The following TDRP variants were observed in gnomAD, a reference collection of about 807,000 sequenced individuals.
TDRP encodes testis development related protein.
TDRP carries 12 observed loss-of-function variants against 10.5 expected under a neutral mutation model. The ratio of observed to expected loss-of-function variants is 1.15; its 90% CI spans 0.73 to 1.86. TDRP has a LOEUF of 1.86. Ranked by LOEUF, TDRP falls within the 40% of genes most tolerant of loss-of-function variation. The pLI, the probability that TDRP is intolerant of heterozygous loss-of-function variation, is 0.00. For missense variants in TDRP, 353 were observed against 229.2 expected, an observed-to-expected ratio of 1.54 and a Z score of -3.49; for synonymous variants, 139 against 95.4, an observed-to-expected ratio of 1.46 and a Z score of -2.67.
At chr8:537,597 G>T (rs1366975429) in intron 1 of TDRP, among the ~76,000 whole-genome samples, 1 of 152,112 alleles carries the variant, frequency 6.6e-6, no homozygotes, top group Non-Finnish European at 1.5e-5. Context: ...CTGGCCATGG[G>T]GACTACGAGG....
chr8:492,573 A>C lies in TDRP; in HGVS notation c.384T>G (p.Gly128=). ...DISADPEDTV[G]GHPSWSGWED... ...CCCAGCCTGACCAGGATGGGTGGCC[A>C]CCCACGGTGTCCTCAGGGTCAGCCG... Residue 128 remains glycine (G), a synonymous_variant, in exon 3 of 3, where the codon GGT becomes GGG. Transcript: ENST00000324079. 6.2e-7 allele frequency: 1 copy of C among 1,613,518 alleles called. No homozygotes were observed. Among genetic ancestry groups the C allele is most frequent in the Non-Finnish European group, 8.5e-7 (1 of 1,179,594 alleles).
At position 537,146 on chromosome 8, in the gene TDRP, T is replaced by A. The variant is rs532908771; in HGVS notation, c.108+7504A>T. Among the ~76,000 whole-genome samples, 3 of 152,346 alleles carry A rather than the reference T, an allele frequency of 2.0e-5. No individual in the cohort carries two copies. In the South Asian group the frequency reaches 6.2e-4, roughly 32 times the overall value. ...GGAAACCCCACACCAGGTACACTCC[T>A]CTCAGGGGCACTGCTGAGCCCCACG... On this transcript the variant is annotated intron_variant, in intron 1 of 2. Transcript: ENST00000324079.
chr8:529,867 G>C (rs1452412270), intron 1 of TDRP, among the ~76,000 whole-genome samples: 2 of 151,956 alleles, frequency 1.3e-5, no homozygotes, highest in African/African-American at 4.8e-5. Flanking sequence ...CCCTTTCTTT[G>C]GTTTCTTCCT....
At chr8:515,796 G>A (rs1215549256) in intron 1 of TDRP, among the ~76,000 whole-genome samples, 1 of 152,040 alleles carries the variant, frequency 6.6e-6, no homozygotes, top group Admixed American at 6.5e-5. Flanking sequence ...ATAAGTATGT[G>A]CTAAATATAT....
chr8:510,608 A>T (rs974869868), intron 1 of TDRP, among the ~76,000 whole-genome samples: 1 of 152,246 alleles, frequency 6.6e-6, no homozygotes, highest in African/African-American at 2.4e-5. Context: ...AGAAAAAAAA[A>T]TTCTCAACCA....
At chr8:496,958 G>A (rs889786700) in intron 1 of TDRP, among the ~76,000 whole-genome samples, 1 of 152,230 alleles carries the variant, frequency 6.6e-6, no homozygotes, top group African/African-American at 2.4e-5. Context: ...TGCCATGACT[G>A]TAAGTTTCCT....
intron 1 of TDRP, among the ~76,000 whole-genome samples, chr8:510,198 C>A (rs1390008292): frequency 6.6e-6 from 1 of 152,162 alleles, no homozygotes; most frequent in Admixed American, 6.5e-5. Flanking sequence ...AAATAATTGG[C>A]CACATGACTG....
chr8:502,397 G>C (rs1216900716), intron 1 of TDRP, among the ~76,000 whole-genome samples: 1 of 152,224 alleles, frequency 6.6e-6, no homozygotes, highest in Non-Finnish European at 1.5e-5. Context: ...CCAAATTGCA[G>C]GGTGCCAGGC....
At chr8:494,654 C>G in intron 1 of TDRP, 57 bp from the exon 2 acceptor site, 4 of 1,464,172 alleles carry the variant, frequency 2.7e-6, no homozygotes, top group Non-Finnish European at 3.8e-6. Flanking sequence ...CAGAATTCCG[C>G]TTTCTACTCC....
At chr8:536,869 G>A (rs528778708) in intron 1 of TDRP, among the ~76,000 whole-genome samples, 3 of 152,078 alleles carry the variant, frequency 2.0e-5, no homozygotes, top group Non-Finnish European at 4.4e-5. Flanking sequence ...CTATAATATC[G>A]TAACTGACCC....
chr8:535,763 C>G (rs28503665), intron 1 of TDRP, among the ~76,000 whole-genome samples: 8,327 of 48,154 alleles, frequency 0.17, 115 homozygotes, highest in Middle Eastern at 0.26. Flanking sequence ...AGGCAGGTCT[C>G]AGCGTAGGGG....
chr8:535,267 C>T (rs753756001), intron 1 of TDRP, among the ~76,000 whole-genome samples: 1 of 152,112 alleles, frequency 6.6e-6, no homozygotes, highest in Non-Finnish European at 1.5e-5. Context: ...AGCAGCTGCA[C>T]CACCCTAGCT....
At chr8:502,241 C>T (rs988260117) in intron 1 of TDRP, among the ~76,000 whole-genome samples, 4 of 152,244 alleles carry the variant, frequency 2.6e-5, no homozygotes, top group African/African-American at 9.6e-5. Flanking sequence ...TATCTTTAAA[C>T]ACACTGAAGC....
intron 1 of TDRP, among the ~76,000 whole-genome samples, chr8:508,718 A>G (rs1801533059): frequency 6.6e-6 from 1 of 152,006 alleles, no homozygotes; most frequent in Admixed American, 6.5e-5. Context: ...CCCCTCCCAA[A>G]TCTCATTTTT....
At chr8:531,574 T>C (rs1802198493) in intron 1 of TDRP, among the ~76,000 whole-genome samples, 1 of 152,232 alleles carries the variant, frequency 6.6e-6, no homozygotes, top group Admixed American at 6.5e-5. Context: ...GGACACTTTT[T>C]ATCTACGACA....
chr8:513,775 GAACT>G (rs1413957795), intron 1 of TDRP, among the ~76,000 whole-genome samples: 1 of 152,174 alleles, frequency 6.6e-6, no homozygotes, highest in African/African-American at 2.4e-5. Context: ...ACCTATGTTA[GAACT>G]AATAAAAGAG....
chr8:522,693 G>A (rs979335707), intron 1 of TDRP, among the ~76,000 whole-genome samples: 16 of 152,152 alleles, frequency 1.1e-4, no homozygotes, highest in Non-Finnish European at 1.6e-4. Context: ...ATGTTAATCC[G>A]ACTGACTCGG....
intron 1 of TDRP, among the ~76,000 whole-genome samples, chr8:514,518 C>T (rs1322301201): frequency 1.3e-5 from 2 of 152,144 alleles, no homozygotes; most frequent in Non-Finnish European, 2.9e-5. Context: ...CCACATTTGC[C>T]TCAATGCAGG....
At chr8:514,394 G>C (rs1801697938) in intron 1 of TDRP, among the ~76,000 whole-genome samples, 1 of 152,150 alleles carries the variant, frequency 6.6e-6, no homozygotes, top group Admixed American at 6.5e-5. Flanking sequence ...GTGACAACTG[G>C]AAAGCCACAT....
Sources: gnomAD v4.1 joint callset for allele counts (sites outside exome capture counted in the v4.1 genomes callset) on GRCh38, gnomAD v4.1.1 for gene constraint, MANE v1.5 for transcripts, NCBI Gene and HGNC (gene_info 2026-07-23, HGNC 2026-07-21) for gene names.